PARP1: variants seen among roughly 807,000 people sequenced by gnomAD.
PARP1 encodes the protein poly(ADP-ribose) polymerase 1.
PARP1 carries 44 observed loss-of-function variants against 118.7 expected under a neutral mutation model. That is an observed-to-expected ratio of 0.37 (90% CI 0.29 to 0.48). The LOEUF (loss-of-function observed/expected upper bound fraction) is 0.48, where lower values mean the gene tolerates loss of function less well. Among genes scored for constraint, PARP1 ranks in the 20% least tolerant of loss-of-function variants. The pLI is 0.99. For synonymous variants in PARP1, 492 were observed against 483.2 expected, an observed-to-expected ratio of 1.02 and a Z score of -0.24; for missense variants, 1,100 against 1,272.4, an observed-to-expected ratio of 0.86 and a Z score of 2.06.
At position 226,365,956 on chromosome 1, in the gene PARP1, C is replaced by G. The variant is rs1320424324; in HGVS notation, c.2503G>C (p.Asp835His). Reference sequence around the variant, plus strand: ...GTGGGGGAAGAAGGGATTCTTACATCGATGACTTCCAAGTCATACGCATTG... The same window carrying G: ...GTGGGGGAAGAAGGGATTCTTACATGGATGACTTCCAAGTCATACGCATTG... ...THNAYDLEVI[D>H]IFKIEREGEC... The change falls in exon 18 of 23, where the codon GAT becomes CAT. Residue 835 changes from aspartate (D) to histidine (H), a missense_variant and splice_region_variant. This residue lies in a region of PARP1 where 152 missense variants were observed against 240.6 expected (regional missense o/e 0.63). Transcript: ENST00000366794. 6.3e-7 allele frequency: 1 copy of G among 1,593,142 alleles called. No homozygotes were observed. The highest frequency in any genetic ancestry group is 1.3e-5 in the African/African-American group (1 of 74,490).
At position 226,379,333 on chromosome 1, in the gene PARP1, C is replaced by T. The variant is rs3219081; in HGVS notation, c.1613-59G>A. On this transcript the variant is annotated intron_variant, in intron 11 of 22. Transcript: ENST00000366794. Reference sequence around the variant, plus strand: ...TCCCCTTGAGGTGCTAGCACTCTCACGGAGAAGGGATCTGCAGGCCTGAGG... The same window carrying T: ...TCCCCTTGAGGTGCTAGCACTCTCATGGAGAAGGGATCTGCAGGCCTGAGG... 1,448 of 1,605,536 alleles carry T rather than the reference C, an allele frequency of 9.0e-4. 14 individuals are homozygous for T. The Middle Eastern group carries it at 0.012, about 13-fold the overall frequency.
rs1353453496 is a variant in PARP1 at position 226,390,379 on chromosome 1, C to G, written c.617+31G>C. On this transcript the variant is annotated intron_variant, in intron 4 of 22. Coordinates refer to ENST00000366794, the MANE Select transcript of PARP1 (RefSeq NM_001618.4). Reference sequence around the variant, plus strand: ...GCCTCCCTTGAACCCCTCACTGAACCCCCAGGGCAACCCCGCAGTGCTCCA... The same window carrying G: ...GCCTCCCTTGAACCCCTCACTGAACGCCCAGGGCAACCCCGCAGTGCTCCA... The G allele has an allele frequency of 3.1e-6, 5 of 1,602,354 alleles. No individual in the cohort carries two copies. The East Asian group carries it at 1.1e-4, about 36-fold the overall frequency.
Position 226,383,972 on chromosome 1 carries a change from A to T in PARP1, c.1012-789T>A, listed in dbSNP as rs1325882298. Among the ~76,000 whole-genome samples, 3 of 152,354 alleles carry T rather than the reference A, an allele frequency of 2.0e-5. No individual in the cohort carries two copies. The South Asian group carries it at 6.2e-4, about 32-fold the overall frequency. On this transcript the variant is annotated intron_variant, in intron 7 of 22. Transcript: ENST00000366794. ...CCAACCATAGTCTGGTTAAAAAGAC[A>T]GTTTCTGCTCTTCAGAAAGTATCTC...
At chr1:226,400,321 C>CAAA (rs1442369596) in intron 2 of PARP1, among the ~76,000 whole-genome samples, 3 of 151,792 alleles carry the variant, frequency 2.0e-5, no homozygotes, top group African/African-American at 7.3e-5. Flanking sequence ...AAAACAAAAA[C>CAAA]AACAACAAAA....
chr1:226,383,679 A>C (rs1169940030), intron 7 of PARP1, among the ~76,000 whole-genome samples: 2 of 152,222 alleles, frequency 1.3e-5, no homozygotes, highest in Admixed American at 6.5e-5. Flanking sequence ...AGAAGGAAAA[A>C]TGAATGCAGG....
intron 22 of PARP1, 182 bp downstream of exon 22, chr1:226,361,787 C>T (rs1664144181): frequency 1.5e-6 from 1 of 676,846 alleles, no homozygotes; most frequent in Non-Finnish European, 2.7e-6. Context: ...TGGGGGAAGG[C>T]TCATACCCTG....
intron 11 of PARP1, 27 bp from the exon 12 acceptor site, chr1:226,379,301 T>G: frequency 6.2e-7 from 1 of 1,614,106 alleles, no homozygotes; most frequent in Non-Finnish European, 8.5e-7. Flanking sequence ...GCACCTACAG[T>G]TTTCTCTCCC....
chr1:226,392,498 T>A (rs1664839362), intron 2 of PARP1, 184 bp from the exon 3 acceptor site: 7 of 634,438 alleles, frequency 1.1e-5, no homozygotes, highest in Non-Finnish European at 5.7e-6. Flanking sequence ...GAGCTTCTTT[T>A]CTGGAGATAA....
At chr1:226,371,779 A>G (rs1329612947) in intron 14 of PARP1, among the ~76,000 whole-genome samples, 1 of 152,168 alleles carries the variant, frequency 6.6e-6, no homozygotes, top group Non-Finnish European at 1.5e-5. Flanking sequence ...AGGGCGCGAC[A>G]TTTTCCACGC....
At chr1:226,363,785 G>A (rs1474650784) in intron 20 of PARP1, among the ~76,000 whole-genome samples, 158 bp downstream of exon 20, 1 of 152,172 alleles carries the variant, frequency 6.6e-6, no homozygotes, top group Non-Finnish European at 1.5e-5. Context: ...CCCTTAACTT[G>A]AATTGGATTC....
chr1:226,386,157 GACC>G (rs1286840030), intron 6 of PARP1, among the ~76,000 whole-genome samples, 166 bp downstream of exon 6: 3 of 152,212 alleles, frequency 2.0e-5, no homozygotes, highest in Non-Finnish European at 2.9e-5. Flanking sequence ...GAAAAATGGT[GACC>G]ACGATGGTGG....
intron 3 of PARP1, among the ~76,000 whole-genome samples, chr1:226,391,989 T>C (rs1339753969): frequency 6.6e-6 from 1 of 152,210 alleles, no homozygotes; most frequent in Non-Finnish European, 1.5e-5. Flanking sequence ...GATGCATACA[T>C]ACATGAGAAC....
At chr1:226,376,579 G>A (rs150259859) in intron 13 of PARP1, among the ~76,000 whole-genome samples, 8 of 152,310 alleles carry the variant, frequency 5.3e-5, no homozygotes, top group South Asian at 2.1e-4. Context: ...GTTCCTCCTC[G>A]ATATCTCAAA....
chr1:226,369,871 C>T (rs756107500), intron 15 of PARP1, among the ~76,000 whole-genome samples: 8 of 151,648 alleles, frequency 5.3e-5, no homozygotes, highest in South Asian at 2.1e-4. Flanking sequence ...GCACGAGAAC[C>T]GCTTGAACCT....
intron 20 of PARP1, 63 bp downstream of exon 20, chr1:226,363,880 G>C: frequency 6.3e-7 from 1 of 1,586,158 alleles, no homozygotes; most frequent in Non-Finnish European, 8.6e-7. Context: ...GGGGAGTTCT[G>C]CCTATAGCCC....
At chr1:226,382,934 A>T (rs1332511730) in intron 8 of PARP1, 102 bp downstream of exon 8, 2 of 1,335,832 alleles carry the variant, frequency 1.5e-6, no homozygotes, top group Admixed American at 3.4e-5. Context: ...GCAAAGAGAG[A>T]CCCTTGACGG....
chr1:226,370,527 C>A lies in PARP1; in HGVS notation c.2071-10G>T, dbSNP rs149789506. On this transcript the variant is annotated splice_polypyrimidine_tract_variant and intron_variant, in intron 14 of 22. Coordinates refer to ENST00000366794, the MANE Select transcript of PARP1 (RefSeq NM_001618.4). The stretch of plus-strand genomic sequence containing the variant: ...TCTTCTGAAGGTCGATCTGAGGAGA[C>A]AGGGGATTTCGCTCTGAAAGCTGGG... 9 of 1,610,368 alleles carry A rather than the reference C, an allele frequency of 5.6e-6. No homozygotes were observed. The African/African-American group carries it at 1.2e-4, about 22-fold the overall frequency.
At chr1:226,376,081 T>C (rs1347850499) in intron 13 of PARP1, among the ~76,000 whole-genome samples, 1 of 152,170 alleles carries the variant, frequency 6.6e-6, no homozygotes, top group African/African-American at 2.4e-5. Flanking sequence ...GCCTCATCAT[T>C]GTATAAGCAA....
At chr1:226,379,426 G>A (rs894450892) in intron 11 of PARP1, 147 bp downstream of exon 11, 1 of 1,188,408 alleles carries the variant, frequency 8.4e-7, no homozygotes, top group African/African-American at 1.5e-5. Flanking sequence ...TCTCAGGACT[G>A]GGGGAGCTGG....
Sources: allele counts gnomAD v4.1 joint callset (sites outside exome capture counted in the v4.1 genomes callset), GRCh38; gene constraint gnomAD v4.1.1; regional missense constraint gnomAD v4.1.1; transcripts MANE v1.5; gene names NCBI Gene and HGNC (gene_info 2026-07-23, HGNC 2026-07-21).